PLA2G4A: variants seen among roughly 807,000 people sequenced by gnomAD.
The protein encoded by PLA2G4A is phospholipase A2 group IVA.
A neutral mutation model predicts 81.9 loss-of-function variants in PLA2G4A; 40 were observed. The ratio of observed to expected loss-of-function variants is 0.49; its 90% CI spans 0.38 to 0.64. PLA2G4A has a LOEUF of 0.64. Ranked by LOEUF, PLA2G4A falls within the 30% of genes least tolerant of loss-of-function variation. PLA2G4A has a pLI of 0.00. For missense variants in PLA2G4A, 715 were observed against 905.1 expected, an observed-to-expected ratio of 0.79 and a Z score of 2.69; for synonymous variants, 302 against 296.9, an observed-to-expected ratio of 1.02 and a Z score of -0.18.
chr1:186,832,156 A>T (rs1240880081), intron 1 of PLA2G4A, among the ~76,000 whole-genome samples: 3 of 152,100 alleles, frequency 2.0e-5, no homozygotes, highest in Non-Finnish European at 4.4e-5. Flanking sequence ...GTTTTCCACT[A>T]TTATAAATAA....
At chr1:186,917,106 TG>T (rs35813341) in intron 7 of PLA2G4A, among the ~76,000 whole-genome samples, 1 of 151,712 alleles carries the variant, frequency 6.6e-6, no homozygotes, top group African/African-American at 2.4e-5. Context: ...TTTACAGCTG[TG>T]GGGGTGTTCA....
intron 15 of PLA2G4A, among the ~76,000 whole-genome samples, chr1:186,973,194 A>C (rs1210359776): frequency 6.6e-6 from 1 of 152,198 alleles, no homozygotes; most frequent in Non-Finnish European, 1.5e-5. Flanking sequence ...AGTTGAAATT[A>C]AGGCATCAAC....
chr1:186,874,042 C>T (rs1653380322), intron 3 of PLA2G4A, among the ~76,000 whole-genome samples: 1 of 152,094 alleles, frequency 6.6e-6, no homozygotes, highest in South Asian at 2.1e-4. Context: ...GTAGCTTGCA[C>T]TAATTTGGCA....
intron 1 of PLA2G4A, among the ~76,000 whole-genome samples, chr1:186,849,196 C>T (rs114824803): frequency 0.013 from 2,005 of 152,138 alleles, 21 homozygotes; most frequent in Non-Finnish European, 0.018. Context: ...ATCCATCCAT[C>T]CATTGGACAA....
intron 7 of PLA2G4A, among the ~76,000 whole-genome samples, chr1:186,920,041 G>A (rs1399726069): frequency 6.6e-6 from 1 of 152,170 alleles, no homozygotes. Flanking sequence ...TATGAGCACG[G>A]GGGCTTGGTT....
intron 7 of PLA2G4A, among the ~76,000 whole-genome samples, chr1:186,929,562 T>G (rs2102196517): frequency 6.6e-6 from 1 of 152,292 alleles, no homozygotes; most frequent in East Asian, 1.9e-4. Context: ...ATAAGTAAAC[T>G]GAGCCCACAG....
intron 7 of PLA2G4A, among the ~76,000 whole-genome samples, chr1:186,929,644 T>A (rs1207764814): frequency 6.6e-6 from 1 of 152,202 alleles, no homozygotes. Context: ...AGAGACAAAG[T>A]AGAGCATAGT....
chr1:186,930,276 C>T (rs2102198230), intron 7 of PLA2G4A, among the ~76,000 whole-genome samples: 1 of 152,306 alleles, frequency 6.6e-6, no homozygotes, highest in Non-Finnish European at 1.5e-5. Flanking sequence ...CTGATGACAA[C>T]AGAAGTATCT....
At chr1:186,968,685 T>A (rs2102281496) in intron 15 of PLA2G4A, among the ~76,000 whole-genome samples, 1 of 152,060 alleles carries the variant, frequency 6.6e-6, no homozygotes, top group East Asian at 1.9e-4. Flanking sequence ...TGCCACCTTT[T>A]TCTGTAATCA....
intron 1 of PLA2G4A, among the ~76,000 whole-genome samples, chr1:186,829,744 G>A (rs1218024789): frequency 6.6e-6 from 1 of 151,792 alleles, no homozygotes; most frequent in African/African-American, 2.4e-5. Context: ...AGAAAAAAAA[G>A]GTATTTGATT....
At chr1:186,920,229 T>C (rs1359610979) in intron 7 of PLA2G4A, among the ~76,000 whole-genome samples, 1 of 152,092 alleles carries the variant, frequency 6.6e-6, no homozygotes, top group Admixed American at 6.5e-5. Flanking sequence ...AAGAGCCCTG[T>C]TTTGTAAAGG....
At chr1:186,874,944 G>C (rs1034927570) in intron 3 of PLA2G4A, among the ~76,000 whole-genome samples, 1 of 151,930 alleles carries the variant, frequency 6.6e-6, no homozygotes, top group Non-Finnish European at 1.5e-5. Flanking sequence ...AATTTTAAAG[G>C]GTTGTGCCAT....
At chr1:186,867,421 A>C (rs180972343) in intron 2 of PLA2G4A, among the ~76,000 whole-genome samples, 2 of 152,204 alleles carry the variant, frequency 1.3e-5, no homozygotes, top group Admixed American at 6.5e-5. Context: ...TTCTACATAC[A>C]TTGTTAGATT....
intron 1 of PLA2G4A, among the ~76,000 whole-genome samples, chr1:186,843,569 T>C (rs1652063472): frequency 6.6e-6 from 1 of 152,166 alleles, no homozygotes; most frequent in African/African-American, 2.4e-5. Context: ...GTATACAATA[T>C]TGTGATAAGA....
At chr1:186,880,592 T>C (rs927330069) in intron 3 of PLA2G4A, among the ~76,000 whole-genome samples, 5 of 151,950 alleles carry the variant, frequency 3.3e-5, no homozygotes, top group African/African-American at 1.2e-4. Flanking sequence ...GCCCAAAATG[T>C]CAATAGCATT....
At chr1:186,923,981 A>G (rs952493894) in intron 7 of PLA2G4A, among the ~76,000 whole-genome samples, 6 of 152,190 alleles carry the variant, frequency 3.9e-5, no homozygotes, top group Admixed American at 2.6e-4. Context: ...ATACTCCATA[A>G]CTGATGCCTG....
chr1:186,846,593 G>T (rs114289810), intron 1 of PLA2G4A, among the ~76,000 whole-genome samples: 2,289 of 152,098 alleles, frequency 0.015, 69 homozygotes, highest in African/African-American at 0.053. Flanking sequence ...TTAATTAAAC[G>T]ACAAACCTTA....
At chr1:186,935,348 A>G (rs1396070110) in intron 8 of PLA2G4A, among the ~76,000 whole-genome samples, 1 of 151,926 alleles carries the variant, frequency 6.6e-6, no homozygotes, top group African/African-American at 2.4e-5. Flanking sequence ...TTGTTTGGAA[A>G]GGGAAGGAAG....
At chr1:186,949,114 G>C (rs2102237789) in intron 12 of PLA2G4A, among the ~76,000 whole-genome samples, 1 of 152,244 alleles carries the variant, frequency 6.6e-6, no homozygotes, top group African/African-American at 2.4e-5. Context: ...ACTTTTGAGA[G>C]ATGGAGTTGT....
Sources: allele counts gnomAD v4.1 joint callset (sites outside exome capture counted in the v4.1 genomes callset), GRCh38; gene constraint gnomAD v4.1.1; transcripts MANE v1.5; gene names NCBI Gene and HGNC (gene_info 2026-07-23, HGNC 2026-07-21).